The following RBL1 variants were observed in gnomAD, a reference collection of about 807,000 sequenced individuals.
RBL1 encodes retinoblastoma-like protein 1.
RBL1 carries 82 observed loss-of-function variants against 123.0 expected under a neutral mutation model. The observed-to-expected ratio is 0.67, with a 90% CI of 0.56 to 0.80. RBL1 has a LOEUF of 0.80. Among genes scored for constraint, RBL1 ranks in the 30% least tolerant of loss-of-function variants. The pLI, the probability that RBL1 is intolerant of heterozygous loss-of-function variation, is 0.00. For synonymous variants in RBL1, 405 were observed against 441.3 expected, an observed-to-expected ratio of 0.92 and a Z score of 1.03; for missense variants, 1,171 against 1,299.6, an observed-to-expected ratio of 0.90 and a Z score of 1.52.
intron 11 of RBL1, among the ~76,000 whole-genome samples, chr20:37,054,999 G>A (rs528395372): frequency 9.9e-5 from 15 of 152,144 alleles, no homozygotes; most frequent in East Asian, 3.9e-4. Flanking sequence ...CAATAGTTAC[G>A]CAGCATCCTT....
intron 21 of RBL1, among the ~76,000 whole-genome samples, chr20:36,999,370 C>G (rs1030892632): frequency 6.6e-6 from 1 of 152,088 alleles, no homozygotes; most frequent in Non-Finnish European, 1.5e-5. Context: ...GCCTGGGAAA[C>G]AGAGTGAGAC....
intron 2 of RBL1, among the ~76,000 whole-genome samples, chr20:37,088,718 C>T (rs1260810823): frequency 3.3e-5 from 5 of 151,532 alleles, no homozygotes; most frequent in Non-Finnish European, 7.4e-5. Flanking sequence ...AAAAAATTAG[C>T]CGGGCTTGGT....
At chr20:37,068,750 A>G (rs543487774) in intron 2 of RBL1, among the ~76,000 whole-genome samples, 12 of 152,334 alleles carry the variant, frequency 7.9e-5, no homozygotes, top group Non-Finnish European at 1.2e-4. Flanking sequence ...AATTAGTTTG[A>G]GATCACCTGA....
At position 37,040,749 on chromosome 20, in the gene RBL1, C is replaced by T. The variant is rs370952225; in HGVS notation, c.1771-464G>A. Among the ~76,000 whole-genome samples the T allele has an allele frequency of 4.6e-5, 7 of 152,234 alleles. No homozygotes were observed. The South Asian group carries it at 6.2e-4, about 14-fold the overall frequency. ...TAAAGTGCTCAATTCTTAATGTTAA[C>T]GAACGTATGGAAAGAGTTCATTTCA... On this transcript the variant is annotated intron_variant, in intron 13 of 21. Transcript: ENST00000373664.
chr20:37,040,730 G>T (rs1413080720), intron 13 of RBL1, among the ~76,000 whole-genome samples: 2 of 152,106 alleles, frequency 1.3e-5, no homozygotes, highest in African/African-American at 2.4e-5. Context: ...TGGATAAAGT[G>T]CTCAATTCTT....
chr20:37,000,283 C>T (rs552193612), intron 21 of RBL1, among the ~76,000 whole-genome samples: 1 of 149,212 alleles, frequency 6.7e-6, no homozygotes, highest in Non-Finnish European at 1.5e-5. Context: ...AAGTGAGGAG[C>T]GTCTTCGCCT....
At chr20:37,088,157 C>G (rs1193196395) in intron 2 of RBL1, among the ~76,000 whole-genome samples, 1 of 151,082 alleles carries the variant, frequency 6.6e-6, no homozygotes, top group Non-Finnish European at 1.5e-5. Context: ...CCCAGCTACT[C>G]GGGAGGCTGA....
chr20:37,092,678 G>C (rs192495615), intron 1 of RBL1, among the ~76,000 whole-genome samples: 126 of 151,874 alleles, frequency 8.3e-4, no homozygotes, highest in African/African-American at 3.0e-3. Context: ...TTTGTGTAGA[G>C]ATAGGGTCTC....
intron 13 of RBL1, among the ~76,000 whole-genome samples, chr20:37,042,070 C>T (rs1348673584): frequency 9.7e-5 from 9 of 93,248 alleles, no homozygotes; most frequent in African/African-American, 3.1e-4. Context: ...AAGACTTTGT[C>T]TCAAAAAAAA....
intron 16 of RBL1, among the ~76,000 whole-genome samples, chr20:37,026,160 A>G (rs150250548): frequency 2.4e-4 from 36 of 152,336 alleles, no homozygotes; most frequent in African/African-American, 8.2e-4. Flanking sequence ...AGCTAAACTG[A>G]AATCTAAGAA....
chr20:37,048,654 A>T (rs2064853454), intron 11 of RBL1, among the ~76,000 whole-genome samples: 1 of 152,174 alleles, frequency 6.6e-6, no homozygotes, highest in Non-Finnish European at 1.5e-5. Flanking sequence ...ACAAACTTTT[A>T]CTGCCTCATT....
At chr20:37,067,784 A>AC (rs1445019894) in intron 3 of RBL1, among the ~76,000 whole-genome samples, 3 of 151,184 alleles carry the variant, frequency 2.0e-5, no homozygotes, top group East Asian at 1.9e-4. Context: ...AAAAAAAAAA[A>AC]AAAAAAACAA....
At chr20:37,035,914 CTT>C (rs1439216337) in intron 14 of RBL1, among the ~76,000 whole-genome samples, 2 of 152,146 alleles carry the variant, frequency 1.3e-5, no homozygotes, top group African/African-American at 4.8e-5. Flanking sequence ...AGTTTTGCCT[CTT>C]TGTGAATATT....
Position 37,057,305 on chromosome 20 carries a change from T to C in RBL1, c.1251-1047A>G, listed in dbSNP as rs550845149. The stretch of plus-strand genomic sequence containing the variant: ...GTTTTCCATAGTGGCTGCACCACTT[T>C]ACAATTCTACCAACAGTGTGTAAGG... On this transcript the variant is annotated intron_variant, in intron 9 of 21. Coordinates refer to ENST00000373664, the MANE Select transcript of RBL1 (RefSeq NM_002895.5). 5.3e-5 allele frequency among the ~76,000 whole-genome samples: 8 copies of C among 152,350 alleles called. No individual in the cohort carries two copies. In the East Asian group the frequency reaches 1.5e-3, roughly 29 times the overall value.
In RBL1 at chr20:37,026,428, G is replaced by A. The variant is rs1336341715; in HGVS notation, c.2383-3602C>T. 4.6e-5 allele frequency among the ~76,000 whole-genome samples: 7 copies of A among 152,122 alleles called. No homozygotes were observed. The South Asian group carries it at 8.3e-4, about 18-fold the overall frequency. On this transcript the variant is annotated intron_variant, in intron 16 of 21. Coordinates refer to ENST00000373664, the MANE Select transcript of RBL1 (RefSeq NM_002895.5). The stretch of plus-strand genomic sequence containing the variant: ...AAAGGACATATAAAAAATTATTGCC[G>A]GGCGCAGTGGCTCATGCCTGTAATC...
intron 16 of RBL1, among the ~76,000 whole-genome samples, chr20:37,026,956 T>C (rs1177063712): frequency 2.0e-5 from 3 of 148,344 alleles, no homozygotes; most frequent in Non-Finnish European, 4.4e-5. Flanking sequence ...GAGCTGAGAT[T>C]GCACCACTGC....
At chr20:37,000,765 G>A (rs867377704) in intron 21 of RBL1, among the ~76,000 whole-genome samples, 1 of 138,320 alleles carries the variant, frequency 7.2e-6, no homozygotes, top group Admixed American at 7.0e-5. Flanking sequence ...GTCCAGGAGG[G>A]AGGCGGGGGG....
intron 19 of RBL1, among the ~76,000 whole-genome samples, chr20:37,015,853 G>C (rs965896434): frequency 5.9e-5 from 9 of 151,776 alleles, no homozygotes; most frequent in Admixed American, 5.9e-4. Context: ...AGCCTCCTGA[G>C]TAGCTGGGAT....
rs1448972942 is a variant in RBL1, at chr20:37,035,333, A to G, written c.2079T>C (p.Asn693=). ...IAPSSSITAE[N]VSILPGQTLL... is the part of the protein sequence containing the mutation. ...GAGTTTGACCAGGTAAAATTGATAC[A>G]TTTTCAGCAGTAATGCTTGAAGAAG... Residue 693 remains asparagine (N), a synonymous_variant, in exon 15 of 22, where the codon AAT becomes AAC. Transcript: ENST00000373664. The G allele has an allele frequency of 1.9e-5, 31 of 1,614,048 alleles. No individual in the cohort carries two copies. The highest frequency in any genetic ancestry group is 2.6e-5 in the Non-Finnish European group (31 of 1,179,950).
Sources: allele counts gnomAD v4.1 joint callset (sites outside exome capture counted in the v4.1 genomes callset), GRCh38; gene constraint gnomAD v4.1.1; transcripts MANE v1.5; gene names NCBI Gene and HGNC (gene_info 2026-07-23, HGNC 2026-07-21).